TSPAN18: variants seen among roughly 807,000 people sequenced by gnomAD.
The protein encoded by TSPAN18 is tetraspanin 18.
A neutral mutation model predicts 27.3 loss-of-function variants in TSPAN18; 14 were observed. The ratio of observed to expected loss-of-function variants is 0.51; its 90% confidence interval spans 0.34 to 0.80. TSPAN18 has a LOEUF of 0.80. TSPAN18 is among the 30% of genes least tolerant of loss of function. TSPAN18 has a pLI of 0.01. For synonymous variants in TSPAN18, 143 were observed against 136.5 expected, an observed-to-expected ratio of 1.05 and a Z score of -0.33; for missense variants, 268 against 323.9, an observed-to-expected ratio of 0.83 and a Z score of 1.32.
intron 1 of TSPAN18, among the ~76,000 whole-genome samples, chr11:44,748,264 T>G (rs1855129151): frequency 6.6e-6 from 1 of 152,054 alleles, no homozygotes; most frequent in African/African-American, 2.4e-5. Flanking sequence ...AGAAATTAGC[T>G]GGGCACGCCT....
chr11:44,908,617 C>T (rs1859544085), intron 4 of TSPAN18, among the ~76,000 whole-genome samples: 1 of 94,156 alleles, frequency 1.1e-5, no homozygotes, highest in African/African-American at 4.5e-5. Flanking sequence ...TGCCTGTAGT[C>T]CCAGTTACTT....
intron 1 of TSPAN18, among the ~76,000 whole-genome samples, chr11:44,750,857 G>A (rs1855194388): frequency 6.6e-6 from 1 of 152,226 alleles, no homozygotes; most frequent in South Asian, 2.1e-4. Flanking sequence ...GAGAGGCTTG[G>A]TGACTTGCCC....
At chr11:44,809,869 C>T (rs17722432) in intron 2 of TSPAN18, among the ~76,000 whole-genome samples, 7,093 of 152,264 alleles carry the variant, frequency 0.047, 177 homozygotes, top group African/African-American at 0.065. Context: ...TAAATGTTAG[C>T]TTAATGCATC....
At chr11:44,890,733 A>C (rs532252750) in intron 3 of TSPAN18, among the ~76,000 whole-genome samples, 13 of 125,780 alleles carry the variant, frequency 1.0e-4, no homozygotes, top group Admixed American at 5.2e-4. Flanking sequence ...ACAGAGCAAG[A>C]CTCCAACTCA....
At chr11:44,828,605 C>A (rs758953121) in intron 2 of TSPAN18, among the ~76,000 whole-genome samples, 1 of 152,162 alleles carries the variant, frequency 6.6e-6, no homozygotes, top group Non-Finnish European at 1.5e-5. Flanking sequence ...ATGGAGGCTT[C>A]TGAATCTCTA....
intron 1 of TSPAN18, among the ~76,000 whole-genome samples, chr11:44,728,405 G>GGT (rs1854571692): frequency 6.6e-6 from 1 of 152,172 alleles, no homozygotes; most frequent in Non-Finnish European, 1.5e-5. Context: ...CAAAATGCAT[G>GGT]CACCCTTTTT....
At chr11:44,801,856 A>G (rs1856488046) in intron 2 of TSPAN18, among the ~76,000 whole-genome samples, 1 of 151,972 alleles carries the variant, frequency 6.6e-6, no homozygotes, top group South Asian at 2.1e-4. Context: ...ACATAGTGAG[A>G]CCCTGTCTCT....
rs561821880 is a variant in TSPAN18 at position 44,911,700 on chromosome 11, C to T, written c.258+1801C>T. ...TCGGCTCTGAAGCCAAGACAGGAAG[C>T]CAGGCTGGTGTTCTTGGCTGGGAGC... On this transcript the variant is annotated intron_variant, in intron 5 of 9. Coordinates refer to ENST00000520358, the MANE Select transcript of TSPAN18 (RefSeq NM_130783.5). 1.3e-4 allele frequency among the ~76,000 whole-genome samples: 20 copies of T among 152,188 alleles called. 1 individual carries two copies. In the East Asian group the frequency reaches 3.3e-3, roughly 25 times the overall value.
chr11:44,842,515 A>T (rs915399995), intron 2 of TSPAN18, among the ~76,000 whole-genome samples: 5 of 152,172 alleles, frequency 3.3e-5, no homozygotes, highest in African/African-American at 1.2e-4. Flanking sequence ...AGATGGGATG[A>T]TGAGGCCAAG....
At chr11:44,839,300 CT>C (rs1337051914) in intron 2 of TSPAN18, among the ~76,000 whole-genome samples, 1 of 152,240 alleles carries the variant, frequency 6.6e-6, no homozygotes, top group Non-Finnish European at 1.5e-5. Context: ...TGTCCTCTGT[CT>C]GCTCAGGCTG....
chr11:44,797,621 A>T (rs1856379979), intron 2 of TSPAN18, among the ~76,000 whole-genome samples: 1 of 152,164 alleles, frequency 6.6e-6, no homozygotes. Flanking sequence ...GGTGAGACTC[A>T]AAGATTCTTA....
At chr11:44,912,761 G>A (rs4755297) in intron 5 of TSPAN18, among the ~76,000 whole-genome samples, 84,875 of 151,738 alleles carry the variant, frequency 0.56, 24,348 homozygotes, top group East Asian at 0.83. Flanking sequence ...ATATGTACAC[G>A]TGCATGGGTG....
At chr11:44,770,248 A>G (rs147039183) in intron 2 of TSPAN18, among the ~76,000 whole-genome samples, 208 of 152,360 alleles carry the variant, frequency 1.4e-3, no homozygotes, top group African/African-American at 4.8e-3. Flanking sequence ...ATGAAGTTCA[A>G]TAATGACAGG....
chr11:44,825,584 G>T (rs1393191755), intron 2 of TSPAN18, among the ~76,000 whole-genome samples: 2 of 152,268 alleles, frequency 1.3e-5, no homozygotes, highest in East Asian at 3.9e-4. Context: ...ATCCCAGCGG[G>T]ACCCCTCCTG....
At chr11:44,880,225 C>T (rs190683893) in intron 3 of TSPAN18, among the ~76,000 whole-genome samples, 4 of 152,322 alleles carry the variant, frequency 2.6e-5, no homozygotes, top group Admixed American at 6.5e-5. Flanking sequence ...GCTGTAGCCC[C>T]GCCAATGAAC....
chr11:44,913,923 C>T (rs1472549699), intron 5 of TSPAN18, among the ~76,000 whole-genome samples: 1 of 152,250 alleles, frequency 6.6e-6, no homozygotes, highest in Non-Finnish European at 1.5e-5. Flanking sequence ...GGTAAACTGT[C>T]TTAAGCAGGA....
intron 9 of TSPAN18, among the ~76,000 whole-genome samples, chr11:44,926,980 G>A (rs1860383743): frequency 6.6e-6 from 1 of 152,224 alleles, no homozygotes; most frequent in Non-Finnish European, 1.5e-5. Context: ...CAGAAATGGG[G>A]ATGGGCAGGC....
At chr11:44,844,163 C>T (rs969901950) in intron 2 of TSPAN18, among the ~76,000 whole-genome samples, 2 of 152,232 alleles carry the variant, frequency 1.3e-5, no homozygotes, top group African/African-American at 4.8e-5. Flanking sequence ...TCTTCATAAT[C>T]CACATTCTTC....
At chr11:44,863,034 G>T (rs1857938452) in intron 3 of TSPAN18, among the ~76,000 whole-genome samples, 1 of 152,224 alleles carries the variant, frequency 6.6e-6, no homozygotes, top group South Asian at 2.1e-4. Flanking sequence ...TCAGAGGCCA[G>T]ATTTTTAAGG....
Sources: allele counts gnomAD v4.1 joint callset (sites outside exome capture counted in the v4.1 genomes callset), GRCh38; gene constraint gnomAD v4.1.1; transcripts MANE v1.5; gene names NCBI Gene and HGNC (gene_info 2026-07-23, HGNC 2026-07-21).